TMEM117: variants seen among roughly 807,000 people sequenced by gnomAD.
TMEM117 encodes transmembrane protein 117.
A neutral mutation model predicts 52.4 loss-of-function variants in TMEM117; 27 were observed. The observed-to-expected ratio is 0.51, with a 90% CI of 0.38 to 0.71. TMEM117 has a LOEUF of 0.71. TMEM117 is among the 30% of genes least tolerant of loss of function. The pLI, the probability that TMEM117 is intolerant of heterozygous loss-of-function variation, is 0.00. For synonymous variants in TMEM117, 215 were observed against 206.3 expected, an observed-to-expected ratio of 1.04 and a Z score of -0.36; for missense variants, 556 against 630.5, an observed-to-expected ratio of 0.88 and a Z score of 1.26.
chr12:44,321,772 A>G (rs1266613819), intron 6 of TMEM117, among the ~76,000 whole-genome samples: 1 of 152,194 alleles, frequency 6.6e-6, no homozygotes, highest in Non-Finnish European at 1.5e-5. Flanking sequence ...AAAAATAACA[A>G]CTATGTATTC....
intron 2 of TMEM117, among the ~76,000 whole-genome samples, chr12:43,865,092 A>G (rs1943565131): frequency 6.6e-6 from 1 of 152,184 alleles, no homozygotes; most frequent in African/African-American, 2.4e-5. Context: ...TCAGAAGGAA[A>G]CAACTCCGGA....
At chr12:43,881,790 C>CAAA (rs58734580) in intron 2 of TMEM117, among the ~76,000 whole-genome samples, 1,046 of 40,642 alleles carry the variant, frequency 0.026, 28 homozygotes, top group Non-Finnish European at 0.027. Flanking sequence ...ACTCTTGTCT[C>CAAA]AAAAAAAAAA....
chr12:44,180,923 GC>G (rs1949188645), intron 4 of TMEM117, among the ~76,000 whole-genome samples: 3 of 151,796 alleles, frequency 2.0e-5, no homozygotes, highest in Non-Finnish European at 1.5e-5. Flanking sequence ...CTGAGGAATC[GC>G]CACACTGACT....
At chr12:44,230,766 T>G (rs760386522) in intron 5 of TMEM117, among the ~76,000 whole-genome samples, 1 of 151,930 alleles carries the variant, frequency 6.6e-6, no homozygotes, top group Non-Finnish European at 1.5e-5. Flanking sequence ...GGCCTTTAGC[T>G]TCATTCCTTG....
At chr12:43,930,533 C>T (rs1356399127) in intron 2 of TMEM117, among the ~76,000 whole-genome samples, 1 of 152,182 alleles carries the variant, frequency 6.6e-6, no homozygotes, top group African/African-American at 2.4e-5. Flanking sequence ...AAATTTGGCT[C>T]ATCTAAGTGC....
chr12:44,172,822 T>TCAAGTGATTCTCCTGCCTC (rs1408725504), intron 4 of TMEM117, among the ~76,000 whole-genome samples: 4 of 152,122 alleles, frequency 2.6e-5, no homozygotes, highest in Admixed American at 2.0e-4. Context: ...TCTCCTGGGT[T>TCAAGTGATTCTCCTGCCTC]CAAGTGATTC....
intron 4 of TMEM117, among the ~76,000 whole-genome samples, chr12:44,177,705 C>G (rs777405378): frequency 6.6e-6 from 1 of 152,106 alleles, no homozygotes; most frequent in Admixed American, 6.6e-5. Context: ...TAAAATTTAG[C>G]TATAAATCAT....
intron 2 of TMEM117, among the ~76,000 whole-genome samples, chr12:43,909,814 T>C (rs936611544): frequency 1.0e-3 from 139 of 133,020 alleles, no homozygotes; most frequent in African/African-American, 3.4e-3. Flanking sequence ...AATCTCTGAA[T>C]AGACCAATAA....
Position 44,299,038 on chromosome 12 carries a change from C to A in TMEM117, c.609-542C>A, listed in dbSNP as rs371795744. Among the ~76,000 whole-genome samples the A allele has an allele frequency of 1.0e-3, 157 of 150,256 alleles. 9 individuals are homozygous for A. Among genetic ancestry groups the A allele is most frequent in the African/African-American group, 3.1e-3 (125 of 39,890 alleles). ...GGACACTTACTGCACTAACCAAAGTCATTTTTAATATTGTTGTTGTTAATT... is the reference window on the plus strand; with the variant it reads ...GGACACTTACTGCACTAACCAAAGTAATTTTTAATATTGTTGTTGTTAATT... On this transcript the variant is annotated intron_variant, in intron 5 of 7. Transcript: ENST00000266534.
At chr12:44,328,930 G>A (rs1951231899) in intron 6 of TMEM117, among the ~76,000 whole-genome samples, 1 of 151,842 alleles carries the variant, frequency 6.6e-6, no homozygotes, top group Non-Finnish European at 1.5e-5. Context: ...GACAAGTCTT[G>A]GATAGCTCAA....
chr12:44,308,544 A>G (rs1359367520), intron 6 of TMEM117, among the ~76,000 whole-genome samples: 1 of 152,162 alleles, frequency 6.6e-6, no homozygotes, highest in African/African-American at 2.4e-5. Context: ...ACTTCAGGTC[A>G]GAATTGTATA....
At chr12:44,357,558 TA>T (rs1951667365) in intron 6 of TMEM117, among the ~76,000 whole-genome samples, 2 of 152,008 alleles carry the variant, frequency 1.3e-5, no homozygotes, top group African/African-American at 4.8e-5. Flanking sequence ...TCAGAACTTT[TA>T]AAAATGGTAG....
At chr12:43,851,346 A>AT (rs920876316) in intron 2 of TMEM117, among the ~76,000 whole-genome samples, 31 of 152,106 alleles carry the variant, frequency 2.0e-4, no homozygotes, top group African/African-American at 6.5e-4. Flanking sequence ...TATGTTTAGA[A>AT]TTTTTTTTAG....
the TMEM117 span, among the ~76,000 whole-genome samples, chr12:43,821,002 G>A: frequency 6.6e-6 from 1 of 151,736 alleles, no homozygotes; most frequent in Non-Finnish European, 1.5e-5. Flanking sequence ...GGCTGAGGCA[G>A]GAGAATGGCA....
At chr12:44,100,343 A>T (rs1565827392) in intron 3 of TMEM117, among the ~76,000 whole-genome samples, 1 of 151,998 alleles carries the variant, frequency 6.6e-6, no homozygotes, top group Non-Finnish European at 1.5e-5. Context: ...TCATTTTTTT[A>T]TGGGCAGTAC....
chr12:44,234,872 T>A (rs1935664477), intron 5 of TMEM117, among the ~76,000 whole-genome samples: 1 of 151,552 alleles, frequency 6.6e-6, no homozygotes, highest in Non-Finnish European at 1.5e-5. Context: ...TTATATATCA[T>A]CACTTTTTGA....
At chr12:44,211,212 A>G (rs1332355621) in intron 4 of TMEM117, 78 bp from the exon 5 acceptor site, 1 of 944,084 alleles carries the variant, frequency 1.1e-6, no homozygotes, top group Non-Finnish European at 1.7e-6. Flanking sequence ...TCTCAATAGA[A>G]TGTAAATTAT....
chr12:44,293,108 T>C (rs1950724751), intron 5 of TMEM117, among the ~76,000 whole-genome samples: 1 of 151,578 alleles, frequency 6.6e-6, no homozygotes, highest in South Asian at 2.1e-4. Flanking sequence ...GCTCTGGTAC[T>C]GGATATATAT....
At chr12:44,308,035 A>T (rs1456818877) in intron 6 of TMEM117, among the ~76,000 whole-genome samples, 1 of 152,216 alleles carries the variant, frequency 6.6e-6, no homozygotes, top group Non-Finnish European at 1.5e-5. Flanking sequence ...AGCGGGAGAG[A>T]TCACTCAGGT....
Sources: allele counts gnomAD v4.1 joint callset (sites outside exome capture counted in the v4.1 genomes callset), GRCh38; gene constraint gnomAD v4.1.1; transcripts MANE v1.5; gene names NCBI Gene and HGNC (gene_info 2026-07-23, HGNC 2026-07-21).